The following COL24A1 variants were observed in gnomAD, a reference collection of about 807,000 sequenced individuals.
COL24A1 encodes the protein collagen type XXIV alpha 1 chain, also known as collagen alpha-1(XXIV) chain.
Under a neutral mutation model 253.9 loss-of-function variants are expected in COL24A1, and 224 were observed. That is an observed-to-expected ratio of 0.88 (90% CI 0.79 to 0.99). COL24A1 has a LOEUF of 0.99. Among genes scored for constraint, COL24A1 ranks in the 50% least tolerant of loss-of-function variants. The pLI is 0.00. For synonymous variants in COL24A1, 685 were observed against 673.7 expected, an observed-to-expected ratio of 1.02 and a Z score of -0.26; for missense variants, 2,131 against 2,068.5, an observed-to-expected ratio of 1.03 and a Z score of -0.59.
intron 2 of COL24A1, among the ~76,000 whole-genome samples, chr1:86,132,077 T>C (rs1376824979): frequency 6.6e-6 from 1 of 152,236 alleles, no homozygotes; most frequent in African/African-American, 2.4e-5. Flanking sequence ...TGAGATGGTG[T>C]TTCACTGTGA....
At chr1:86,063,631 A>C (rs1459032001) in intron 8 of COL24A1, 84 bp downstream of exon 8, 20 of 998,250 alleles carry the variant, frequency 2.0e-5, no homozygotes, top group Non-Finnish European at 2.7e-5. Flanking sequence ...AATTGAAAAA[A>C]TGGGGGAAAA....
chr1:85,784,008 T>C, intron 50 of COL24A1, 105 bp downstream of exon 50: 2 of 832,760 alleles, frequency 2.4e-6, no homozygotes, highest in Non-Finnish European at 3.7e-6. Flanking sequence ...ATGTACCAAC[T>C]GAAATTTTAC....
chr1:85,853,439 G>T (rs942855370), intron 37 of COL24A1, among the ~76,000 whole-genome samples: 3 of 152,140 alleles, frequency 2.0e-5, no homozygotes, highest in South Asian at 2.1e-4. Flanking sequence ...AGATAAATGC[G>T]CATGCATCTT....
intron 37 of COL24A1, among the ~76,000 whole-genome samples, chr1:85,854,766 G>A (rs1678232668): frequency 6.6e-6 from 1 of 151,110 alleles, no homozygotes; most frequent in Non-Finnish European, 1.5e-5. Flanking sequence ...GTGTAGTGGT[G>A]TGATCACAGC....
intron 57 of COL24A1, among the ~76,000 whole-genome samples, chr1:85,739,156 G>A (rs1229907711): frequency 6.6e-6 from 1 of 152,106 alleles, no homozygotes; most frequent in Non-Finnish European, 1.5e-5. Context: ...AATCTGATGA[G>A]GGCTTCCAGT....
intron 24 of COL24A1, among the ~76,000 whole-genome samples, chr1:85,932,697 A>T (rs1166639476): frequency 1.9e-5 from 2 of 107,490 alleles, no homozygotes; most frequent in Non-Finnish European, 3.7e-5. Context: ...CAAATGTCCA[A>T]CAATGATAGA....
chr1:85,775,842 A>C (rs1053266378), intron 52 of COL24A1, 133 bp from the exon 53 acceptor site: 1 of 663,260 alleles, frequency 1.5e-6, no homozygotes, highest in Non-Finnish European at 2.6e-6. Flanking sequence ...TGTTTTGTTA[A>C]ATTGTATAAG....
At chr1:86,016,605 T>G (rs1697017638) in intron 19 of COL24A1, among the ~76,000 whole-genome samples, 1 of 152,228 alleles carries the variant, frequency 6.6e-6, no homozygotes, top group South Asian at 2.1e-4. Flanking sequence ...GTCTGACTCA[T>G]AGTAGGATTT....
chr1:86,048,886 A>G (rs767364402), intron 11 of COL24A1, among the ~76,000 whole-genome samples: 14 of 152,242 alleles, frequency 9.2e-5, no homozygotes, highest in Non-Finnish European at 1.5e-4. Context: ...GCTTAAGATC[A>G]TTAAATCCAA....
At chr1:85,839,199 AAAC>A (rs1676348201) in intron 42 of COL24A1, among the ~76,000 whole-genome samples, 1 of 151,594 alleles carries the variant, frequency 6.6e-6, no homozygotes, top group Admixed American at 6.6e-5. Context: ...ACCCTGTTTC[AAAC>A]AACAACAGCA....
intron 32 of COL24A1, among the ~76,000 whole-genome samples, chr1:85,881,488 G>T (rs1194906761): frequency 6.6e-6 from 1 of 151,968 alleles, no homozygotes; most frequent in African/African-American, 2.4e-5. Context: ...AGCCAGGTGT[G>T]GTGGTACGCA....
chr1:85,916,182 A>G (rs1685876355), intron 24 of COL24A1, among the ~76,000 whole-genome samples: 1 of 152,186 alleles, frequency 6.6e-6, no homozygotes, highest in Admixed American at 6.5e-5. Context: ...TATTGGACAG[A>G]ACTAAGTAAC....
At chr1:85,799,662 T>C (rs1194671289) in intron 47 of COL24A1, among the ~76,000 whole-genome samples, 2 of 152,228 alleles carry the variant, frequency 1.3e-5, no homozygotes, top group Non-Finnish European at 2.9e-5. Flanking sequence ...GAGACATTTA[T>C]AGAAAAGATT....
At chr1:85,764,751 A>G (rs2101149564) in intron 53 of COL24A1, among the ~76,000 whole-genome samples, 1 of 152,028 alleles carries the variant, frequency 6.6e-6, no homozygotes, top group South Asian at 2.1e-4. Context: ...ACTTTTATCA[A>G]TTTTCTTCCT....
rs5775871 is a variant in COL24A1, at chr1:85,798,200, TA to T, written c.3952-11740del. Among the ~76,000 whole-genome samples the T allele has an allele frequency of 8.1e-4, 112 of 139,008 alleles. No homozygotes were observed. The East Asian group carries it at 9.7e-3, about 12-fold the overall frequency. 91.2% of individuals were successfully genotyped at this position (139,008 alleles called of 152,430 possible). A position where few individuals can be genotyped will look rare whatever the true frequency, so the allele number is the denominator to read the frequency against. ...TGACAGAGAGGGACCCTGTCTCTATTAAAAAAAAAAAAAAAGTATGAACTTT... is the reference window on the plus strand; with the variant it reads ...TGACAGAGAGGGACCCTGTCTCTATTAAAAAAAAAAAAAAGTATGAACTTT... On this transcript the variant is annotated intron_variant, in intron 47 of 59. Transcript: ENST00000370571.
chr1:85,764,499 CA>C (rs1667163151), intron 53 of COL24A1, among the ~76,000 whole-genome samples: 1 of 120,498 alleles, frequency 8.3e-6, no homozygotes, highest in African/African-American at 3.2e-5. Context: ...CACACACACA[CA>C]CACACCATAT....
At chr1:85,954,309 C>T (rs1239480119) in intron 24 of COL24A1, among the ~76,000 whole-genome samples, 2 of 152,162 alleles carry the variant, frequency 1.3e-5, no homozygotes, top group East Asian at 3.8e-4. Context: ...TAATATGGTA[C>T]ATGTGGCCCC....
intron 47 of COL24A1, among the ~76,000 whole-genome samples, chr1:85,806,826 T>C (rs1672019906): frequency 1.3e-5 from 2 of 152,230 alleles, no homozygotes; most frequent in Admixed American, 6.5e-5. Context: ...TCCTTTACTC[T>C]AGCTGTTGGC....
At chr1:86,153,051 C>T (rs951499575) in intron 1 of COL24A1, among the ~76,000 whole-genome samples, 4 of 152,168 alleles carry the variant, frequency 2.6e-5, no homozygotes, top group African/African-American at 4.8e-5. Flanking sequence ...CTCCAACCAA[C>T]TTCATTTCTT....
Sources: gnomAD v4.1 joint callset for allele counts (sites outside exome capture counted in the v4.1 genomes callset) on GRCh38, gnomAD v4.1.1 for gene constraint, MANE v1.5 for transcripts, NCBI Gene and HGNC (gene_info 2026-07-23, HGNC 2026-07-21) for gene names.